SULF2: variants seen among roughly 807,000 people sequenced by gnomAD.
SULF2 encodes extracellular sulfatase Sulf-2.
Under a neutral mutation model 107.7 loss-of-function variants are expected in SULF2, and 52 were observed. The observed-to-expected ratio is 0.48, with a 90% CI of 0.39 to 0.61. The LOEUF (loss-of-function observed/expected upper bound fraction) is 0.61. Among genes scored for constraint, SULF2 ranks in the 20% least tolerant of loss-of-function variants. The probability of loss-of-function intolerance (pLI) is 0.00; values close to 1 mark genes in which losing one functional copy is unlikely to be tolerated. For missense variants in SULF2, 993 were observed against 1,177.3 expected, an observed-to-expected ratio of 0.84 and a Z score of 2.29; for synonymous variants, 460 against 464.3, an observed-to-expected ratio of 0.99 and a Z score of 0.12.
intron 13 of SULF2, 139 bp downstream of exon 13, chr20:47,665,718 T>C (rs990983140): frequency 2.5e-5 from 17 of 687,102 alleles, no homozygotes; most frequent in Admixed American, 1.2e-4. Flanking sequence ...TATCCCCGCG[T>C]TGAGGAATCT....
At chr20:47,658,532 C>A in intron 20 of SULF2, 140 bp from the exon 21 acceptor site, 2 of 908,156 alleles carry the variant, frequency 2.2e-6, no homozygotes, top group Non-Finnish European at 3.6e-6. Context: ...AACGGGATTG[C>A]CACCACCTAG....
At chr20:47,781,334 C>T (rs1175095116) in intron 1 of SULF2, among the ~76,000 whole-genome samples, 6 of 152,258 alleles carry the variant, frequency 3.9e-5, no homozygotes, top group Non-Finnish European at 8.8e-5. Flanking sequence ...AACCGGGCTT[C>T]CCTTTCACTG....
chr20:47,731,238 G>A (rs1298646344), intron 3 of SULF2, among the ~76,000 whole-genome samples: 1 of 129,522 alleles, frequency 7.7e-6, no homozygotes, highest in Non-Finnish European at 1.5e-5. Flanking sequence ...TGTCACCCAG[G>A]CTAGAGTGCA....
At chr20:47,728,782 A>C (rs2089516920) in intron 3 of SULF2, among the ~76,000 whole-genome samples, 1 of 152,220 alleles carries the variant, frequency 6.6e-6, no homozygotes, top group South Asian at 2.1e-4. Context: ...AGTAGCTGAG[A>C]TTACAGGCTT....
intron 1 of SULF2, among the ~76,000 whole-genome samples, chr20:47,763,481 G>A (rs13040632): frequency 0.17 from 25,767 of 152,152 alleles, 2,322 homozygotes; most frequent in East Asian, 0.24. Context: ...GGAGAGAGAA[G>A]TTTGGGAACA....
intron 10 of SULF2, among the ~76,000 whole-genome samples, chr20:47,675,818 C>T (rs1282630399): frequency 6.7e-6 from 1 of 148,826 alleles, no homozygotes; most frequent in South Asian, 2.1e-4. Context: ...TTCAGGCTTT[C>T]CCAAACATGT....
At position 47,755,514 on chromosome 20, in the gene SULF2, G is replaced by A. The variant is rs58348506; in HGVS notation, c.175+1675C>T. On this transcript the variant is annotated intron_variant, in intron 2 of 20. Coordinates refer to ENST00000688720, the MANE Select transcript of SULF2 (RefSeq NM_001387048.1). ...TGTTGATTCGGGCCCCAAATCTAGC[G>A]GCTGCCCTTGAAACGTATCTTTTCC... Among the ~76,000 whole-genome samples the A allele has an allele frequency of 9.8e-3, 1,497 of 152,118 alleles. 23 individuals carry two copies. Among genetic ancestry groups the A allele is most frequent in the African/African-American group, 0.034 (1,425 of 41,484 alleles).
At chr20:47,725,624 T>G (rs1261256035) in intron 3 of SULF2, among the ~76,000 whole-genome samples, 1 of 152,212 alleles carries the variant, frequency 6.6e-6, no homozygotes, top group Non-Finnish European at 1.5e-5. Flanking sequence ...AATCCATCCC[T>G]CAGGTGTGTT....
chr20:47,716,896 G>T (rs889731620), intron 3 of SULF2, among the ~76,000 whole-genome samples: 2 of 152,126 alleles, frequency 1.3e-5, no homozygotes, highest in African/African-American at 4.8e-5. Flanking sequence ...TGTATTCCCA[G>T]CTACTCGAGA....
chr20:47,732,150 C>T (rs1381871044), intron 3 of SULF2, among the ~76,000 whole-genome samples: 2 of 152,168 alleles, frequency 1.3e-5, no homozygotes, highest in Non-Finnish European at 2.9e-5. Flanking sequence ...TCCACTTTGG[C>T]CCCCCAAAAT....
At chr20:47,752,927 C>G (rs1316150766) in intron 2 of SULF2, among the ~76,000 whole-genome samples, 2 of 151,740 alleles carry the variant, frequency 1.3e-5, no homozygotes, top group East Asian at 1.9e-4. Context: ...ATGGCGAAAC[C>G]CTGAATCTAC....
intron 1 of SULF2, among the ~76,000 whole-genome samples, chr20:47,757,866 C>T (rs767023045): frequency 6.6e-6 from 1 of 152,070 alleles, no homozygotes; most frequent in Non-Finnish European, 1.5e-5. Context: ...TGCATCTGCC[C>T]GCACCGTGGG....
At chr20:47,765,823 A>C (rs2090518460) in intron 1 of SULF2, among the ~76,000 whole-genome samples, 1 of 152,228 alleles carries the variant, frequency 6.6e-6, no homozygotes, top group Admixed American at 6.5e-5. Context: ...CTCTTTTGAC[A>C]CTTATGCTGA....
rs1555853927 is a variant in SULF2 at position 47,747,014 on chromosome 20, T to TAC, written c.176-10073_176-10072insGT. 9.8e-4 allele frequency among the ~76,000 whole-genome samples: 73 copies of TAC among 74,688 alleles called. 1 individual carries two copies. Among genetic ancestry groups the TAC allele is most frequent in the African/African-American group, 2.3e-3 (61 of 26,190 alleles). 49.0% of individuals were successfully genotyped at this position (74,688 alleles called of 152,430 possible). On this transcript the variant is annotated intron_variant, in intron 2 of 20. Coordinates refer to ENST00000688720, the MANE Select transcript of SULF2 (RefSeq NM_001387048.1). ...AAAAAAATATATATATATATATATA[T>TAC]ATATACACACACACACACATAAAAA...
At chr20:47,772,846 A>G (rs116565807) in intron 1 of SULF2, among the ~76,000 whole-genome samples, 180 of 152,324 alleles carry the variant, frequency 1.2e-3, no homozygotes, top group African/African-American at 4.2e-3. Flanking sequence ...GGTCTGGCAC[A>G]AGACTTGGCA....
At chr20:47,778,332 A>G (rs1327006879) in intron 1 of SULF2, among the ~76,000 whole-genome samples, 1 of 152,238 alleles carries the variant, frequency 6.6e-6, no homozygotes, top group Non-Finnish European at 1.5e-5. Flanking sequence ...ACTTACACAC[A>G]CAAGACCTGG....
chr20:47,669,611 G>A (rs1276709583), intron 11 of SULF2, among the ~76,000 whole-genome samples: 1 of 152,120 alleles, frequency 6.6e-6, no homozygotes, highest in Non-Finnish European at 1.5e-5. Flanking sequence ...GCAGGGGGAA[G>A]AATGCCAGGC....
rs75083675 is a variant in SULF2 at position 47,709,574 on chromosome 20, G to A, written c.416-6904C>T. Among the ~76,000 whole-genome samples the A allele has an allele frequency of 5.3e-3, 810 of 152,314 alleles. 9 individuals carry two copies. Among genetic ancestry groups the A allele is most frequent in the South Asian group, 0.046 (223 of 4,830 alleles). ...AGGACCGCATTCCCCTGGTGATCAT[G>A]CACAAACTGGTTAGTTGAGGCAAAG... is the stretch of plus-strand genomic sequence containing the variant. On this transcript the variant is annotated intron_variant, in intron 3 of 20. Coordinates refer to ENST00000688720, the MANE Select transcript of SULF2 (RefSeq NM_001387048.1).
intron 1 of SULF2, among the ~76,000 whole-genome samples, chr20:47,764,579 G>T (rs1410060352): frequency 1.3e-5 from 2 of 152,182 alleles, no homozygotes; most frequent in Non-Finnish European, 2.9e-5. Context: ...ATAAGCGAGA[G>T]GGAGTCCTGG....
Sources: allele counts gnomAD v4.1 joint callset (sites outside exome capture counted in the v4.1 genomes callset), GRCh38; gene constraint gnomAD v4.1.1; transcripts MANE v1.5; gene names NCBI Gene and HGNC (gene_info 2026-07-23, HGNC 2026-07-21).